The following MDGA2 variants were observed in gnomAD, a reference collection of about 807,000 sequenced individuals.
MDGA2 encodes MAM domain-containing glycosylphosphatidylinositol anchor protein 2.
MDGA2 carries 40 observed loss-of-function variants against 117.8 expected under a neutral mutation model. That is an observed-to-expected ratio of 0.34 (90% CI 0.26 to 0.44). The LOEUF is 0.44. Ranked by LOEUF, MDGA2 falls within the 20% of genes least tolerant of loss-of-function variation. The pLI, the probability that MDGA2 is intolerant of heterozygous loss-of-function variation, is 1.00. For synonymous variants in MDGA2, 452 were observed against 439.0 expected (o/e 1.03, Z -0.37); for missense variants, 1,123 against 1,250.6 (o/e 0.90, Z 1.54).
intron 8 of MDGA2, among the ~76,000 whole-genome samples, chr14:46,984,187 T>C (rs555430518): frequency 1.1e-4 from 16 of 151,940 alleles, no homozygotes; most frequent in African/African-American, 2.4e-4. Flanking sequence ...GAAAATCATA[T>C]ACTCAGTATT....
At chr14:47,275,022 CT>C (rs145978301) in intron 2 of MDGA2, among the ~76,000 whole-genome samples, 22,522 of 152,122 alleles carry the variant, frequency 0.15, 1,946 homozygotes, top group South Asian at 0.27. Context: ...TGTTGCTTCA[CT>C]TTCTTAATGG....
chr14:47,130,816 A>T (rs1441092523), intron 5 of MDGA2, among the ~76,000 whole-genome samples: 1 of 152,102 alleles, frequency 6.6e-6, no homozygotes, highest in African/African-American at 2.4e-5. Flanking sequence ...GACACAAAAA[A>T]AGCCCACACT....
At position 47,661,746 on chromosome 14, in the gene MDGA2, CTTTT is replaced by C. The variant is rs1172717995; in HGVS notation, c.280+12767_280+12770del. 3.5e-4 allele frequency among the ~76,000 whole-genome samples: 34 copies of C among 97,208 alleles called. No individual in the cohort carries two copies. In the East Asian group the frequency reaches 7.7e-3, roughly 22 times the overall value. The allele number at this position is 97,208 out of a possible 152,430, so 63.8% of individuals were successfully genotyped here. A position where few individuals can be genotyped will look rare whatever the true frequency, so the allele number is the denominator to read the frequency against. ...GCAAAAAACGAAGTAATCAGAGTTT[CTTTT>C]TTTTTTTTTTTTTTTTTTGAGACAG... is the stretch of plus-strand genomic sequence containing the variant. On this transcript the variant is annotated intron_variant, in intron 1 of 16. Coordinates refer to ENST00000399232, the MANE Select transcript of MDGA2 (RefSeq NM_001113498.3).
At chr14:46,959,984 G>A (rs1885728467) in intron 8 of MDGA2, among the ~76,000 whole-genome samples, 2 of 152,092 alleles carry the variant, frequency 1.3e-5, no homozygotes, top group African/African-American at 2.4e-5. Flanking sequence ...AGCACTTTGG[G>A]AGGCTGAGGA....
chr14:47,173,081 A>G (rs1026516370), intron 3 of MDGA2, among the ~76,000 whole-genome samples: 1 of 152,190 alleles, frequency 6.6e-6, no homozygotes. Flanking sequence ...AAATGAAGCG[A>G]GAAGGGAAGT....
chr14:47,297,493 T>G (rs149033484), intron 2 of MDGA2, among the ~76,000 whole-genome samples: 168 of 64,554 alleles, frequency 2.6e-3, no homozygotes, highest in African/African-American at 3.0e-3. Context: ...TGGAGGGGTG[T>G]GAAGGGAAGG....
At chr14:47,655,422 G>C (rs1256472295) in intron 1 of MDGA2, among the ~76,000 whole-genome samples, 4 of 152,090 alleles carry the variant, frequency 2.6e-5, no homozygotes, top group African/African-American at 9.7e-5. Context: ...GAATGTATTG[G>C]ATATTAGAAA....
chr14:46,928,466 C>T (rs1463050733), intron 9 of MDGA2, among the ~76,000 whole-genome samples: 4 of 152,094 alleles, frequency 2.6e-5, no homozygotes, highest in African/African-American at 9.7e-5. Flanking sequence ...TTCTTTGTAA[C>T]TATTAGAGTT....
chr14:46,975,331 G>T (rs1175642438), intron 8 of MDGA2, among the ~76,000 whole-genome samples: 1 of 152,024 alleles, frequency 6.6e-6, no homozygotes, highest in African/African-American at 2.4e-5. Flanking sequence ...ATGATCCAGG[G>T]ATTCTACTTC....
intron 6 of MDGA2, among the ~76,000 whole-genome samples, chr14:47,080,999 C>T (rs1047290413): frequency 6.6e-5 from 10 of 152,126 alleles, no homozygotes; most frequent in African/African-American, 2.2e-4. Context: ...GTTACTTCCA[C>T]GATCTGCCAA....
At chr14:47,459,678 A>C (rs1026245919) in intron 1 of MDGA2, among the ~76,000 whole-genome samples, 8 of 151,942 alleles carry the variant, frequency 5.3e-5, no homozygotes, top group Non-Finnish European at 1.2e-4. Context: ...TTAAACTCTT[A>C]AAGTGAAATT....
chr14:47,630,130 C>A lies in MDGA2; in HGVS notation c.280+44387G>T, dbSNP rs186827980. On this transcript the variant is annotated intron_variant, in intron 1 of 16. Coordinates refer to ENST00000399232, the MANE Select transcript of MDGA2 (RefSeq NM_001113498.3). ...ATTTTTGTGAAGGAAAAAATACACA[C>A]AAACACACACACAGCATAAGTTTAA... 2.5e-4 allele frequency among the ~76,000 whole-genome samples: 38 copies of A among 150,884 alleles called. No homozygotes were observed. The East Asian group carries it at 4.5e-3, about 18-fold the overall frequency.
At chr14:47,453,334 G>A (rs993055998) in intron 1 of MDGA2, among the ~76,000 whole-genome samples, 3 of 152,086 alleles carry the variant, frequency 2.0e-5, no homozygotes, top group Admixed American at 2.0e-4. Flanking sequence ...AAGGGGTGCT[G>A]TAGAGTTTCA....
intron 1 of MDGA2, among the ~76,000 whole-genome samples, chr14:47,364,306 A>C (rs900733526): frequency 1.4e-4 from 22 of 152,184 alleles, no homozygotes; most frequent in African/African-American, 4.8e-4. Context: ...CCTCTGGAGC[A>C]CAGGCTAGAG....
intron 4 of MDGA2, among the ~76,000 whole-genome samples, chr14:47,134,174 A>C (rs890013518): frequency 2.0e-5 from 3 of 152,060 alleles, no homozygotes; most frequent in African/African-American, 7.2e-5. Flanking sequence ...TCCCTTTGCC[A>C]GTAAGTACCC....
In MDGA2 at chr14:47,410,921, G is replaced by C. The variant is rs1892359910; in HGVS notation, c.281-109371C>G. Among the ~76,000 whole-genome samples, 8 of 152,238 alleles carry C rather than the reference G, an allele frequency of 5.3e-5. No homozygotes were observed. In the South Asian group the frequency reaches 1.7e-3, roughly 32 times the overall value. On this transcript the variant is annotated intron_variant, in intron 1 of 16. Transcript: ENST00000399232. ...AGATGTCTAAGACACATACATTTGA[G>C]ACTCTCAAATACTTTTCTAATTCAA... is the stretch of plus-strand genomic sequence containing the variant.
chr14:47,618,165 A>G lies in MDGA2; in HGVS notation c.280+56352T>C, dbSNP rs538403661. Among the ~76,000 whole-genome samples, 4 of 152,332 alleles carry G rather than the reference A, an allele frequency of 2.6e-5. No individual in the cohort carries two copies. The South Asian group carries it at 6.2e-4, about 24-fold the overall frequency. On this transcript the variant is annotated intron_variant, in intron 1 of 16. Coordinates refer to ENST00000399232, the MANE Select transcript of MDGA2 (RefSeq NM_001113498.3). ...ATGCATAAATACAAATAACTGTACT[A>G]GCTTGAGATGCTGCTTCTAATCAAG...
chr14:47,444,941 T>C (rs1893091041), intron 1 of MDGA2, among the ~76,000 whole-genome samples: 2 of 152,190 alleles, frequency 1.3e-5, no homozygotes, highest in Admixed American at 1.3e-4. Context: ...TTCTAAGGAC[T>C]ATATATTCAA....
intron 1 of MDGA2, among the ~76,000 whole-genome samples, chr14:47,559,537 G>A (rs750698975): frequency 2.6e-5 from 4 of 151,324 alleles, no homozygotes; most frequent in Non-Finnish European, 4.4e-5. Flanking sequence ...TGTGAATGGT[G>A]CTGTGATGAA....
Sources: allele counts gnomAD v4.1 joint callset (sites outside exome capture counted in the v4.1 genomes callset), GRCh38; gene constraint gnomAD v4.1.1; transcripts MANE v1.5; gene names NCBI Gene and HGNC (gene_info 2026-07-23, HGNC 2026-07-21).